MDFIC2: variants seen among roughly 807,000 people sequenced by gnomAD.
The protein encoded by MDFIC2 is myoD family inhibitor domain-containing protein 2.
chr3:70,286,365 T>C (rs1702162643), intron 2 of MDFIC2, among the ~76,000 whole-genome samples: 1 of 152,136 alleles, frequency 6.6e-6, no homozygotes, highest in Admixed American at 6.5e-5. Context: ...GATCAGATAG[T>C]TGTAGATATG....
At chr3:70,253,112 C>T (rs1701785104) in intron 2 of MDFIC2, among the ~76,000 whole-genome samples, 2 of 152,058 alleles carry the variant, frequency 1.3e-5, no homozygotes, top group South Asian at 4.2e-4. Context: ...AAACTAATAC[C>T]TAAAATAAAA....
chr3:70,294,387 T>C (rs1321820756), intron 2 of MDFIC2, among the ~76,000 whole-genome samples: 2 of 152,152 alleles, frequency 1.3e-5, no homozygotes, highest in Non-Finnish European at 2.9e-5. Flanking sequence ...TTATAAGCAT[T>C]CACTGCTGAC....
chr3:70,283,013 CA>C (rs1023262396), intron 2 of MDFIC2, among the ~76,000 whole-genome samples: 1 of 152,156 alleles, frequency 6.6e-6, no homozygotes, highest in Non-Finnish European at 1.5e-5. Context: ...ACTGAAAAAA[CA>C]GTTGATTACA....
chr3:70,309,818 C>T (rs1559560459), intron 2 of MDFIC2, among the ~76,000 whole-genome samples: 1 of 152,042 alleles, frequency 6.6e-6, no homozygotes, highest in Non-Finnish European at 1.5e-5. Flanking sequence ...AATGAAGTGT[C>T]CAAATGAGAT....
At chr3:70,261,971 A>C (rs939263726) in intron 2 of MDFIC2, among the ~76,000 whole-genome samples, 2 of 152,192 alleles carry the variant, frequency 1.3e-5, no homozygotes, top group Non-Finnish European at 2.9e-5. Flanking sequence ...GCACTTCTGC[A>C]TACCAACCTG....
intron 2 of MDFIC2, among the ~76,000 whole-genome samples, chr3:70,220,703 AT>A (rs1220733285): frequency 1.3e-5 from 2 of 152,170 alleles, no homozygotes; most frequent in East Asian, 3.9e-4. Context: ...TTCAACAAAT[AT>A]TTGCTGACTG....
At chr3:70,252,779 A>T (rs187998082) in intron 2 of MDFIC2, among the ~76,000 whole-genome samples, 1 of 152,262 alleles carries the variant, frequency 6.6e-6, no homozygotes, top group Non-Finnish European at 1.5e-5. Context: ...TAAACCATTA[A>T]AAAGAAAATC....
intron 2 of MDFIC2, among the ~76,000 whole-genome samples, chr3:70,304,173 A>G (rs9835020): frequency 0.1 from 15,637 of 152,098 alleles, 1,036 homozygotes; most frequent in East Asian, 0.36. Context: ...CTCTTGGGTG[A>G]AGATGTCCCA....
intron 2 of MDFIC2, among the ~76,000 whole-genome samples, chr3:70,238,699 AC>A (rs1475341444): frequency 6.6e-6 from 1 of 152,062 alleles, no homozygotes; most frequent in African/African-American, 2.4e-5. Context: ...AGCCACAGGG[AC>A]AAATTCCAAA....
chr3:70,269,530 A>G (rs891418848), intron 2 of MDFIC2, among the ~76,000 whole-genome samples: 1 of 152,112 alleles, frequency 6.6e-6, no homozygotes. Context: ...TTTTCTGTCC[A>G]TAAATATTTT....
intron 2 of MDFIC2, among the ~76,000 whole-genome samples, chr3:70,211,580 TTCCTTTC>T: frequency 1.3e-5 from 1 of 77,618 alleles, no homozygotes; most frequent in Non-Finnish European, 2.9e-5. Context: ...TTCCCTTCCC[TTCCTTTC>T]CCTTCCCTTC....
chr3:70,207,391 G>A (rs891599633), intron 2 of MDFIC2, among the ~76,000 whole-genome samples: 1 of 152,024 alleles, frequency 6.6e-6, no homozygotes, highest in Non-Finnish European at 1.5e-5. Flanking sequence ...TTGGGGATAT[G>A]CTTCTTGGGA....
chr3:70,308,898 G>A (rs937498687), intron 2 of MDFIC2, among the ~76,000 whole-genome samples: 4 of 152,148 alleles, frequency 2.6e-5, no homozygotes, highest in Admixed American at 2.6e-4. Flanking sequence ...TGAAGTGCTT[G>A]TTCCAAGCCG....
At chr3:70,290,802 G>C (rs142105516) in intron 2 of MDFIC2, among the ~76,000 whole-genome samples, 1 of 152,174 alleles carries the variant, frequency 6.6e-6, no homozygotes, top group African/African-American at 2.4e-5. Flanking sequence ...CGCAGTATTC[G>C]GGTGGGAGTG....
chr3:70,215,796 T>C (rs1701402035), intron 2 of MDFIC2, among the ~76,000 whole-genome samples: 1 of 152,132 alleles, frequency 6.6e-6, no homozygotes, highest in Non-Finnish European at 1.5e-5. Context: ...AGCCAACTGA[T>C]GAACTGACAG....
At chr3:70,293,094 G>C (rs1001448928) in intron 2 of MDFIC2, among the ~76,000 whole-genome samples, 1 of 117,748 alleles carries the variant, frequency 8.5e-6, no homozygotes, top group Admixed American at 9.1e-5. Context: ...ATGACGAGAA[G>C]AAAGAAAATT....
At chr3:70,226,873 A>T (rs1701512603) in intron 2 of MDFIC2, among the ~76,000 whole-genome samples, 1 of 152,084 alleles carries the variant, frequency 6.6e-6, no homozygotes, top group African/African-American at 2.4e-5. Flanking sequence ...AAGAAGTGGG[A>T]TGGAAAAGGA....
At chr3:70,304,155 C>T (rs1275684033) in intron 2 of MDFIC2, among the ~76,000 whole-genome samples, 1 of 152,140 alleles carries the variant, frequency 6.6e-6, no homozygotes, top group African/African-American at 2.4e-5. Context: ...TCATGGAATC[C>T]CAGCCTTCTC....
chr3:70,225,179 G>A (rs1240315598), intron 2 of MDFIC2, among the ~76,000 whole-genome samples: 1 of 151,738 alleles, frequency 6.6e-6, no homozygotes. Flanking sequence ...TGATGAACTA[G>A]TCCACAAAAG....
Sources: allele counts gnomAD v4.1 joint callset (sites outside exome capture counted in the v4.1 genomes callset), GRCh38; gene constraint gnomAD v4.1.1; transcripts MANE v1.5; gene names NCBI Gene and HGNC (gene_info 2026-07-23, HGNC 2026-07-21).